Variants in SLC38A1 observed in about 807,000 individuals in gnomAD.
The protein encoded by SLC38A1 is solute carrier family 38 member 1, also known as sodium-coupled neutral amino acid symporter 1.
SLC38A1 carries 18 observed loss-of-function variants against 60.3 expected under a neutral mutation model. The ratio of observed to expected loss-of-function variants is 0.30; its 90% CI spans 0.21 to 0.44. The LOEUF (loss-of-function observed/expected upper bound fraction) is 0.44. SLC38A1 is among the 20% of genes least tolerant of loss of function. The pLI is 1.00. For missense variants in SLC38A1, 448 were observed against 587.2 expected (o/e 0.76, Z 2.45); for synonymous variants, 196 against 212.1 (o/e 0.92, Z 0.66).
chr12:46,246,326 C>T (rs1298958963), intron 1 of SLC38A1, among the ~76,000 whole-genome samples: 2 of 152,248 alleles, frequency 1.3e-5, no homozygotes, highest in Non-Finnish European at 2.9e-5. Context: ...TTCCAAAGGT[C>T]TTAGCAAACA....
In SLC38A1 at chr12:46,225,148, T is replaced by A. The variant is rs892336402; in HGVS notation, c.314+4005A>T. Among the ~76,000 whole-genome samples the A allele has an allele frequency of 2.6e-5, 4 of 152,144 alleles. No homozygotes were observed. The South Asian group carries it at 8.3e-4, about 31-fold the overall frequency. On this transcript the variant is annotated intron_variant, in intron 5 of 16. Transcript: ENST00000398637. ...CTGGAAAGCAGACAGACCTGAACCA[T>A]AAATCGGCAGTGGAAAAAGCCAAGA...
At chr12:46,234,606 C>T (rs1009179765) in intron 3 of SLC38A1, among the ~76,000 whole-genome samples, 5 of 152,200 alleles carry the variant, frequency 3.3e-5, no homozygotes, top group Admixed American at 2.6e-4. Flanking sequence ...CGCCACCGTA[C>T]CCGGCTAATT....
Position 46,204,594 on chromosome 12 carries a change from T to A in SLC38A1, c.647-4A>T. 3 of 1,574,522 alleles carry A rather than the reference T, an allele frequency of 1.9e-6. No homozygotes were observed. The highest frequency in any genetic ancestry group is 1.2e-5 in the South Asian group (1 of 83,412). On this transcript the variant is annotated splice_polypyrimidine_tract_variant and splice_region_variant and intron_variant, in intron 9 of 16. Transcript: ENST00000398637. ...CCACTAGTATAGCCAAGATACCCTT[T>A]AAAAAAAAGTAAAAAATAAATTATT...
At chr12:46,195,845 G>A (rs1308167144) in intron 16 of SLC38A1, 2 of 316,968 alleles carry the variant, frequency 6.3e-6, no homozygotes, top group Non-Finnish European at 1.3e-5. Context: ...CGTTTCTCCA[G>A]TTACAGTCTG....
intron 13 of SLC38A1, among the ~76,000 whole-genome samples, chr12:46,200,788 A>G (rs1049088210): frequency 2.0e-5 from 3 of 152,278 alleles, no homozygotes; most frequent in African/African-American, 4.8e-5. Flanking sequence ...TGCGGTGTCA[A>G]TTAGGAAAGC....
At chr12:46,197,453 G>A in intron 16 of SLC38A1, 1 of 302,996 alleles carries the variant, frequency 3.3e-6, no homozygotes, top group Non-Finnish European at 6.1e-6. Context: ...CTTACAGTGA[G>A]CTGAGATCTG....
Position 46,184,729 on chromosome 12 carries a change from T to TG in SLC38A1, c.*4240dup, listed in dbSNP as rs1212883713. 6.6e-6 allele frequency: 1 copy of TG among 152,216 alleles called. No individual in the cohort carries two copies. Among genetic ancestry groups the TG allele is most frequent in the African/African-American group, 2.4e-5 (1 of 41,456 alleles). The allele number at this position is 152,216 out of a possible 1,614,324, so 9.4% of individuals were successfully genotyped here. On this transcript the variant is annotated 3_prime_UTR_variant, in exon 17 of 17. Transcript: ENST00000398637. ...ATTAACACAAACACTGGAGAACTTCTGACACAAATTCAGTATTTCTTCTAA... is the reference window on the plus strand; with the variant it reads ...ATTAACACAAACACTGGAGAACTTCTGGACACAAATTCAGTATTTCTTCTAA...
chr12:46,198,564 G>T, intron 14 of SLC38A1, 61 bp downstream of exon 14: 2 of 1,167,020 alleles, frequency 1.7e-6, no homozygotes, highest in Non-Finnish European at 2.4e-6. Flanking sequence ...ACGGGCTCCT[G>T]CAGGCAGAAG....
intron 3 of SLC38A1, among the ~76,000 whole-genome samples, chr12:46,238,267 T>A (rs1188130118): frequency 6.7e-6 from 1 of 148,750 alleles, no homozygotes; most frequent in Admixed American, 6.6e-5. Context: ...CCTAGCACAG[T>A]TGACCGTACT....
chr12:46,248,344 TA>T (rs1486533660), intron 1 of SLC38A1, among the ~76,000 whole-genome samples: 1 of 152,148 alleles, frequency 6.6e-6, no homozygotes, highest in Non-Finnish European at 1.5e-5. Flanking sequence ...GAGGAAGATC[TA>T]CCAAGCAAAT....
intron 3 of SLC38A1, 139 bp downstream of exon 3, chr12:46,239,540 A>T: frequency 1.2e-6 from 1 of 858,334 alleles, no homozygotes; most frequent in Non-Finnish European, 1.8e-6. Flanking sequence ...GGTGGGTTTC[A>T]CCATGTTGGT....
In SLC38A1 at chr12:46,197,797, G is replaced by C. The variant is rs774745993; in HGVS notation, c.1285C>G (p.Leu429Val). ...GVVGVTSANM[L>V]IFILPSSLYL... ...AGAGATGAAGGAAGAATGAAAATAA[G>C]CATGTTAGCAGATGTAACTCCTGTA... Residue 429 changes from leucine to valine, a missense_variant, in exon 16 of 17, where the codon CTT (leucine) becomes GTT (valine). Physicochemically the swap from Leu to Val is conservative, Grantham distance 32. Coordinates refer to ENST00000398637, the MANE Select transcript of SLC38A1 (RefSeq NM_030674.4). The C allele has an allele frequency of 3.1e-6, 5 of 1,601,450 alleles. No individual in the cohort carries two copies. Among genetic ancestry groups the C allele is most frequent in the Non-Finnish European group, 3.4e-6 (4 of 1,175,934 alleles).
intron 1 of SLC38A1, among the ~76,000 whole-genome samples, chr12:46,254,497 A>T (rs1441406430): frequency 1.3e-5 from 2 of 152,184 alleles, no homozygotes; most frequent in Non-Finnish European, 2.9e-5. Flanking sequence ...GCTTTGATGG[A>T]ACTCTGCTCC....
Position 46,207,609 on chromosome 12 carries a change from T to G in SLC38A1, c.401A>C (p.Tyr134Ser). The G allele has an allele frequency of 6.2e-7, 1 of 1,613,922 alleles. No individual in the cohort carries two copies. Among genetic ancestry groups the G allele is most frequent in the Non-Finnish European group, 8.5e-7 (1 of 1,179,784 alleles). Residue 134 changes from tyrosine to serine, a missense_variant, in exon 7 of 17, where the codon TAT (tyrosine) becomes TCT (serine). By Grantham distance (144) the Tyr-to-Ser change is moderately radical. Around this residue, in one of 2 missense-constraint regions of SLC38A1, gnomAD observed 346 missense variants for 497.5 expected, o/e 0.70. Coordinates refer to ENST00000398637, the MANE Select transcript of SLC38A1 (RefSeq NM_030674.4). ...AAAGACTTGTTCCCCCAGCTTTTCA[T>G]ACACCATGCAGCCTATTTAAAAATC... Reference protein sequence around the residue: ...ICSKETGCMVYEKLGEQVFGT... With the variant: ...ICSKETGCMVSEKLGEQVFGT...
intron 1 of SLC38A1, among the ~76,000 whole-genome samples, chr12:46,263,067 C>T (rs1045249563): frequency 6.6e-6 from 1 of 152,138 alleles, no homozygotes; most frequent in African/African-American, 2.4e-5. Context: ...GGCCTCAGTT[C>T]TAACAGGACA....
intron 8 of SLC38A1, 63 bp from the exon 9 acceptor site, chr12:46,206,225 G>T: frequency 1.1e-6 from 1 of 936,706 alleles, no homozygotes; most frequent in Non-Finnish European, 1.7e-6. Context: ...CCCCTCCAAT[G>T]TAAAATTTCA....
Position 46,197,856 on chromosome 12 carries a change from T to C in SLC38A1, c.1265-39A>G, listed in dbSNP as rs751354789. On this transcript the variant is annotated intron_variant, in intron 15 of 16. Coordinates refer to ENST00000398637, the MANE Select transcript of SLC38A1 (RefSeq NM_030674.4). ...CAAAAGAGAAAGTTTAGCATTGCTATTGTGAAAATTTCCCTGCAAACAGCT... is the reference window on the plus strand; with the variant it reads ...CAAAAGAGAAAGTTTAGCATTGCTACTGTGAAAATTTCCCTGCAAACAGCT... 1.6e-5 allele frequency: 26 copies of C among 1,602,878 alleles called. No homozygotes were observed. In the South Asian group the frequency reaches 1.8e-4, roughly 11 times the overall value.
chr12:46,229,117 T>C, intron 5 of SLC38A1, 36 bp downstream of exon 5: 1 of 1,268,618 alleles, frequency 7.9e-7, no homozygotes, highest in East Asian at 2.4e-5. Flanking sequence ...AAAAGTTCAG[T>C]TTTAAAATGG....
intron 5 of SLC38A1, among the ~76,000 whole-genome samples, chr12:46,213,901 T>G (rs754656930): frequency 6.6e-6 from 1 of 152,238 alleles, no homozygotes; most frequent in African/African-American, 2.4e-5. Flanking sequence ...TGAGAATCAG[T>G]GAATTTAGAA....
Sources: allele counts gnomAD v4.1 joint callset (sites outside exome capture counted in the v4.1 genomes callset), GRCh38; gene constraint gnomAD v4.1.1; regional missense constraint gnomAD v4.1.1; transcripts MANE v1.5; gene names NCBI Gene and HGNC (gene_info 2026-07-23, HGNC 2026-07-21).